The following AATK variants were observed in gnomAD, a reference collection of about 807,000 sequenced individuals.
AATK encodes the protein serine/threonine-protein kinase LMTK1.
AATK carries 91 observed loss-of-function variants against 114.3 expected under a neutral mutation model. The ratio of observed to expected loss-of-function variants is 0.80; its 90% CI spans 0.67 to 0.95. The LOEUF (loss-of-function observed/expected upper bound fraction) is 0.95, where lower values mean the gene tolerates loss of function less well. AATK is among the 40% of genes least tolerant of loss of function. The probability of loss-of-function intolerance (pLI) is 0.00; values close to 1 mark genes in which losing one functional copy is unlikely to be tolerated. For synonymous variants in AATK, 1,075 were observed against 916.5 expected, an observed-to-expected ratio of 1.17 and a Z score of -3.12; for missense variants, 2,176 against 1,965.2, an observed-to-expected ratio of 1.11 and a Z score of -2.03.
Position 81,120,378 on chromosome 17 carries a change from G to C in AATK, c.3558C>G (p.Asp1186Glu). The C allele has an allele frequency of 6.2e-7, 1 of 1,608,266 alleles. No homozygotes were observed. The highest frequency in any genetic ancestry group is 8.5e-7 in the Non-Finnish European group (1 of 1,177,980). Residue 1186 changes from aspartate (D) to glutamate (E), a missense_variant, in exon 11 of 14, where the codon GAC becomes GAG. Asp to Glu is a conservative substitution (Grantham distance 45, BLOSUM62 2). This residue lies in a region of AATK where 1,701 missense variants were observed against 1,394.7 expected (regional missense o/e 1.22). Coordinates refer to ENST00000326724, the MANE Select transcript of AATK (RefSeq NM_001080395.3). ...RCYSVQEPSE[D>E]SEEEAPAVPV... Reference sequence around the variant, plus strand: ...GCACCGCCGGCGCCTCCTCTTCGCTGTCCTCGCTAGGCTCCTGGACGCTGT... The same window carrying C: ...GCACCGCCGGCGCCTCCTCTTCGCTCTCCTCGCTAGGCTCCTGGACGCTGT...
chr17:81,130,270 A>G (rs892069292), intron 3 of AATK, among the ~76,000 whole-genome samples: 2 of 152,158 alleles, frequency 1.3e-5, no homozygotes, highest in African/African-American at 4.8e-5. Flanking sequence ...GGGAAGCCTC[A>G]GGCTGGAAGC....
chr17:81,131,210 G>T lies in AATK; in HGVS notation c.190-5C>A. On this transcript the variant is annotated splice_region_variant and splice_polypyrimidine_tract_variant and intron_variant, in intron 2 of 13. Transcript: ENST00000326724. ...CCCCTCCGCATTCTCAAACTCCTGC[G>T]GGCCGGGCCGGGCATGAGCGGGGCT... 1 of 1,567,572 alleles carries T rather than the reference G, an allele frequency of 6.4e-7. No homozygotes were observed.
Position 81,134,484 on chromosome 17 carries a change from C to T in AATK, c.73G>A (p.Glu25Lys), listed in dbSNP as rs1291986926. The T allele has an allele frequency of 2.2e-5, 35 of 1,612,642 alleles. No homozygotes were observed. Among genetic ancestry groups the T allele is most frequent in the East Asian group, 4.5e-5 (2 of 44,848 alleles). Residue 25 changes from glutamate (E) to lysine (K), a missense_variant, in exon 2 of 14, where the codon GAG becomes AAG. Physicochemically the swap from Glu to Lys is moderately conservative, Grantham distance 56 (BLOSUM62 1). This residue lies in a region of AATK where 178 missense variants were observed against 175.4 expected (regional missense o/e 1.01). Coordinates refer to ENST00000326724, the MANE Select transcript of AATK (RefSeq NM_001080395.3). The stretch of plus-strand genomic sequence containing the variant: ...GCGAGGGAGGATGGCCAGGACAGCT[C>T]GCTGAGCGGGGCGCCGTCTGCGGGA... ...HFDPDGAPLSELSWPSSLAVV... is the reference protein window; with the variant it reads ...HFDPDGAPLSKLSWPSSLAVV...
At chr17:81,146,269 G>A (rs894017784) in intron 1 of AATK, among the ~76,000 whole-genome samples, 1 of 152,140 alleles carries the variant, frequency 6.6e-6, no homozygotes, top group Non-Finnish European at 1.5e-5. Context: ...GCCGAGGTGG[G>A]AGGATCACTT....
At position 81,119,309 on chromosome 17, in the gene AATK, G is replaced by A. The variant is rs1469028340; in HGVS notation, c.4084+71C>T. On this transcript the variant is annotated intron_variant, in intron 13 of 13. Transcript: ENST00000326724. ...GGCCCGGCCCAGGACCTAGACGGAG[G>A]GGCCCCACCCTCGGAGCTCCGTGCC... The A allele has an allele frequency of 3.5e-6, 5 of 1,433,666 alleles. No individual in the cohort carries two copies. The East Asian group carries it at 1.2e-4, about 33-fold the overall frequency. 88.8% of individuals were successfully genotyped at this position (1,433,666 alleles called of 1,614,324 possible).
intron 1 of AATK, among the ~76,000 whole-genome samples, chr17:81,135,099 C>T (rs1032080210): frequency 6.6e-6 from 1 of 152,208 alleles, no homozygotes; most frequent in Non-Finnish European, 1.5e-5. Context: ...ACTGCCAGGC[C>T]CCTCTGGTGC....
At chr17:81,160,128 C>T (rs2061412848) in intron 1 of AATK, 1 of 483,040 alleles carries the variant, frequency 2.1e-6, no homozygotes, top group Non-Finnish European at 2.7e-6. Context: ...GGCACGGCCA[C>T]CTCCGCTGGC....
At position 81,122,349 on chromosome 17, in the gene AATK, C is replaced by T. The variant is rs1275152871; in HGVS notation, c.1587G>A (p.Glu529=). Residue 529 remains glutamate, a synonymous_variant, in exon 11 of 14, where the codon GAG becomes GAA. Transcript: ENST00000326724. ...LSAHSPSLGS[E]YFIRLEEAAP... is the part of the protein sequence containing the mutation. ...CGGCCTCCTCTAGGCGGATGAAGTA[C>T]TCGCTGCCCAGCGACGGGCTGTGCG... 1.3e-5 allele frequency: 20 copies of T among 1,510,924 alleles called. No homozygotes were observed. The highest frequency in any genetic ancestry group is 1.8e-5 in the Non-Finnish European group (20 of 1,134,054). 93.6% of individuals were successfully genotyped at this position (1,510,924 alleles called of 1,614,324 possible).
At chr17:81,132,501 T>A (rs553247760) in intron 2 of AATK, among the ~76,000 whole-genome samples, 1 of 152,070 alleles carries the variant, frequency 6.6e-6, no homozygotes, top group South Asian at 2.1e-4. Flanking sequence ...GTGGGCAACT[T>A]CCCCTCCCCG....
intron 1 of AATK, among the ~76,000 whole-genome samples, chr17:81,144,321 C>T (rs1227333885): frequency 6.6e-6 from 1 of 152,248 alleles, no homozygotes; most frequent in Non-Finnish European, 1.5e-5. Flanking sequence ...AAGGTCAAGG[C>T]CCCTTGTCCC....
At chr17:81,137,782 A>C (rs2061036086) in intron 1 of AATK, among the ~76,000 whole-genome samples, 1 of 151,998 alleles carries the variant, frequency 6.6e-6, no homozygotes, top group Admixed American at 6.5e-5. Context: ...GACCATGTGC[A>C]CACACTATAC....
chr17:81,119,921 C>T lies in AATK; in HGVS notation c.3883+15G>A, dbSNP rs1156518202. 11 of 1,426,270 alleles carry T rather than the reference C, an allele frequency of 7.7e-6. No individual in the cohort carries two copies. Among genetic ancestry groups the T allele is most frequent in the Non-Finnish European group, 1.0e-5 (11 of 1,092,462 alleles). The allele number at this position is 1,426,270 out of a possible 1,614,324, so 88.4% of individuals were successfully genotyped here. ...CCTCCCGTGACGTCACGGGCCCAGC[C>T]CCGCCCCTGCTCACCCTCTTCCGCT... On this transcript the variant is annotated intron_variant, in intron 12 of 13. Coordinates refer to ENST00000326724, the MANE Select transcript of AATK (RefSeq NM_001080395.3).
At chr17:81,138,018 A>T (rs2061043506) in intron 1 of AATK, among the ~76,000 whole-genome samples, 1 of 150,754 alleles carries the variant, frequency 6.6e-6, no homozygotes, top group East Asian at 2.0e-4. Flanking sequence ...ACACGCACCC[A>T]CATGCACGCA....
At chr17:81,128,694 C>A in intron 3 of AATK, 145 bp from the exon 4 acceptor site, 1 of 1,462,808 alleles carries the variant, frequency 6.8e-7, no homozygotes, top group Non-Finnish European at 9.1e-7. Context: ...CTTGGGGCCA[C>A]CATCAGGAGC....
Position 81,126,349 on chromosome 17 carries a change from G to A in AATK, c.755+78C>T. The A allele has an allele frequency of 6.7e-7, 1 of 1,485,188 alleles. No individual in the cohort carries two copies. Among genetic ancestry groups the A allele is most frequent in the Non-Finnish European group, 9.0e-7 (1 of 1,109,762 alleles). The allele number at this position is 1,485,188 out of a possible 1,614,324, so 92.0% of individuals were successfully genotyped here. A position where few individuals can be genotyped will look rare whatever the true frequency, so the allele number is the denominator to read the frequency against. ...CGGTCCTCGCAAGCCCCCTGAGGCAGGACCCGCCCTATGCCCTTCCTTCAG... is the reference window on the plus strand; with the variant it reads ...CGGTCCTCGCAAGCCCCCTGAGGCAAGACCCGCCCTATGCCCTTCCTTCAG... On this transcript the variant is annotated intron_variant, in intron 7 of 13. Coordinates refer to ENST00000326724, the MANE Select transcript of AATK (RefSeq NM_001080395.3). This position sits in a 1 kb window ranked among gnomAD's most constrained non-coding sequence, Gnocchi z 5.1.
chr17:81,162,041 C>G lies in AATK; in HGVS notation c.55+3897G>C, dbSNP rs553598188. Among the ~76,000 whole-genome samples, 17 of 152,288 alleles carry G rather than the reference C, an allele frequency of 1.1e-4. No homozygotes were observed. In the South Asian group the frequency reaches 3.5e-3, roughly 32 times the overall value. The stretch of plus-strand genomic sequence containing the variant: ...TGCCGGAATGAGAGAAATGTTCTCC[C>G]TGACCCATGCCTGGGAGTGTGGGGC... On this transcript the variant is annotated intron_variant, in intron 1 of 13. Coordinates refer to ENST00000326724, the MANE Select transcript of AATK (RefSeq NM_001080395.3).
At chr17:81,160,753 G>A (rs1225579707) in intron 1 of AATK, among the ~76,000 whole-genome samples, 1 of 152,246 alleles carries the variant, frequency 6.6e-6, no homozygotes, top group Non-Finnish European at 1.5e-5. Flanking sequence ...GCCTTGCCCT[G>A]GCGTGCACAG....
At chr17:81,127,511 C>G in intron 6 of AATK, 72 bp downstream of exon 6, 1 of 1,459,518 alleles carries the variant, frequency 6.9e-7, no homozygotes, top group Non-Finnish European at 9.4e-7. Context: ...GGGGGTGGCA[C>G]CAGACACTGG....
chr17:81,133,510 C>A (rs969157498), intron 2 of AATK, among the ~76,000 whole-genome samples: 14 of 152,184 alleles, frequency 9.2e-5, no homozygotes, highest in Admixed American at 1.3e-4. Flanking sequence ...CTTCTCCTGG[C>A]GTAGGAATCT....
Sources: allele counts gnomAD v4.1 joint callset (sites outside exome capture counted in the v4.1 genomes callset), GRCh38; gene constraint gnomAD v4.1.1; regional missense constraint gnomAD v4.1.1; non-coding constraint Gnocchi (gnomAD v3.1); transcripts MANE v1.5; gene names NCBI Gene and HGNC (gene_info 2026-07-23, HGNC 2026-07-21).